The following PTK2 variants were observed in gnomAD, a reference collection of about 807,000 sequenced individuals.
PTK2 encodes focal adhesion kinase 1.
In PTK2, 45 loss-of-function variants were observed where a neutral mutation model predicts 150.1. The observed-to-expected ratio is 0.30, with a 90% CI of 0.24 to 0.38. The LOEUF (loss-of-function observed/expected upper bound fraction) is 0.38. Among genes scored for constraint, PTK2 ranks in the 10% least tolerant of loss-of-function variants. PTK2 has a pLI of 1.00. For synonymous variants in PTK2, 432 were observed against 449.2 expected, an observed-to-expected ratio of 0.96 and a Z score of 0.48; for missense variants, 919 against 1,307.3, an observed-to-expected ratio of 0.70 and a Z score of 4.58.
chr8:140,968,088 C>G (rs527611816), intron 1 of PTK2, among the ~76,000 whole-genome samples: 41 of 152,314 alleles, frequency 2.7e-4, no homozygotes, highest in Non-Finnish European at 5.0e-4. Context: ...AATACTGTGT[C>G]TCATTCACTA....
At chr8:140,873,096 G>T (rs889147943) in intron 4 of PTK2, among the ~76,000 whole-genome samples, 1 of 152,218 alleles carries the variant, frequency 6.6e-6, no homozygotes, top group Admixed American at 6.5e-5. Context: ...GCCTAGTATA[G>T]AAACTAGAGC....
chr8:140,879,675 T>TG (rs754779933), intron 3 of PTK2, 38 bp from the exon 4 acceptor site: 56 of 37,274 alleles, frequency 1.5e-3, no homozygotes, highest in African/African-American at 2.5e-3. Flanking sequence ...TGTTATAAAC[T>TG]GAAAAAAAAA....
At chr8:140,994,940 C>A (rs567910181) in intron 1 of PTK2, among the ~76,000 whole-genome samples, 130 of 152,110 alleles carry the variant, frequency 8.5e-4, no homozygotes, top group African/African-American at 2.7e-3. Context: ...CAAAATTAGC[C>A]TGGTGTGGTG....
intron 30 of PTK2, among the ~76,000 whole-genome samples, chr8:140,666,194 C>T (rs993178963): frequency 6.6e-6 from 1 of 152,044 alleles, no homozygotes; most frequent in Non-Finnish European, 1.5e-5. Context: ...AAAAATAAGC[C>T]AGGTGTGGTG....
At chr8:140,984,743 C>T (rs1434069500) in intron 1 of PTK2, among the ~76,000 whole-genome samples, 2 of 152,114 alleles carry the variant, frequency 1.3e-5, no homozygotes, top group African/African-American at 4.8e-5. Flanking sequence ...CTCAGTCCCA[C>T]TCCTTCATCT....
chr8:140,701,999 G>C (rs534062547), intron 25 of PTK2, among the ~76,000 whole-genome samples: 105 of 151,480 alleles, frequency 6.9e-4, no homozygotes, highest in African/African-American at 2.5e-3. Flanking sequence ...GTGGTGGCTC[G>C]CACTTGTAAT....
chr8:140,982,135 C>T (rs1369822800), intron 1 of PTK2, among the ~76,000 whole-genome samples: 3 of 149,788 alleles, frequency 2.0e-5, no homozygotes, highest in African/African-American at 4.9e-5. Context: ...TAAACCAATA[C>T]AGCAAAGCAT....
intron 2 of PTK2, among the ~76,000 whole-genome samples, chr8:140,898,755 A>G (rs1310196332): frequency 2.0e-5 from 3 of 152,216 alleles, no homozygotes; most frequent in African/African-American, 7.2e-5. Flanking sequence ...TCCCACCAAG[A>G]TAACTACCTC....
chr8:140,902,941 T>G (rs200156032), intron 2 of PTK2, among the ~76,000 whole-genome samples: 1,343 of 100,718 alleles, frequency 0.013, 27 homozygotes, highest in African/African-American at 0.024. Context: ...TTTTTTTTTT[T>G]TTTTTTTTTT....
At chr8:140,812,719 CAG>C (rs1033253468) in intron 10 of PTK2, among the ~76,000 whole-genome samples, 4 of 151,984 alleles carry the variant, frequency 2.6e-5, no homozygotes, top group East Asian at 1.9e-4. Flanking sequence ...CAGAAAAAAA[CAG>C]GGGTTACAAT....
chr8:140,687,819 C>T (rs746875933), intron 26 of PTK2, among the ~76,000 whole-genome samples: 3 of 152,258 alleles, frequency 2.0e-5, no homozygotes, highest in Non-Finnish European at 4.4e-5. Flanking sequence ...TAAGAGTGAT[C>T]CTCTGATGGC....
intron 26 of PTK2, among the ~76,000 whole-genome samples, chr8:140,699,907 C>T (rs1284466498): frequency 6.6e-6 from 1 of 151,704 alleles, no homozygotes; most frequent in African/African-American, 2.4e-5. Flanking sequence ...AATAAATGGA[C>T]AGGTCCACAT....
chr8:140,962,310 A>C (rs2100183589), intron 1 of PTK2, among the ~76,000 whole-genome samples: 1 of 151,364 alleles, frequency 6.6e-6, no homozygotes, highest in Non-Finnish European at 1.5e-5. Context: ...GGAGGGAAAA[A>C]AATTATGTGG....
intron 28 of PTK2, 53 bp downstream of exon 31, chr8:140,675,407 T>C (rs13249806): frequency 0.46 from 730,731 of 1,576,764 alleles, 174,222 homozygotes; most frequent in Middle Eastern, 0.5. Context: ...ATTCAAAACC[T>C]GCTTTCATCA....
intron 2 of PTK2, among the ~76,000 whole-genome samples, chr8:140,906,828 G>C (rs557833574): frequency 5.3e-5 from 8 of 152,278 alleles, no homozygotes; most frequent in Admixed American, 2.0e-4. Context: ...GGAAAGAAAA[G>C]TGTTGGAGAT....
chr8:140,837,404 A>AGTG (rs2100119349), intron 7 of PTK2, among the ~76,000 whole-genome samples: 1 of 152,222 alleles, frequency 6.6e-6, no homozygotes, highest in African/African-American at 2.4e-5. Flanking sequence ...ACTATGCCTT[A>AGTG]GTGGTAGTAG....
intron 7 of PTK2, among the ~76,000 whole-genome samples, chr8:140,835,796 G>A (rs1453774686): frequency 6.6e-6 from 1 of 152,140 alleles, no homozygotes; most frequent in African/African-American, 2.4e-5. Context: ...TTGATTCCCA[G>A]CTGGGCCACT....
At chr8:140,844,571 G>C (rs1052403073) in intron 7 of PTK2, among the ~76,000 whole-genome samples, 1 of 151,998 alleles carries the variant, frequency 6.6e-6, no homozygotes. Flanking sequence ...CTTTCCACTG[G>C]CTCATTCATC....
At chr8:140,669,703 C>A in intron 29 of PTK2, 24 bp downstream of exon 33, 1 of 1,532,214 alleles carries the variant, frequency 6.5e-7, no homozygotes, top group Non-Finnish European at 8.7e-7. Context: ...GCTGGACAGA[C>A]ACACAAAGAC....
Sources: allele counts gnomAD v4.1 joint callset (sites outside exome capture counted in the v4.1 genomes callset), GRCh38; gene constraint gnomAD v4.1.1; transcripts MANE v1.5; gene names NCBI Gene and HGNC (gene_info 2026-07-23, HGNC 2026-07-21).